Variants in COL11A1 observed in about 807,000 individuals in gnomAD.
COL11A1 encodes collagen type XI alpha 1 chain.
COL11A1 carries 74 observed loss-of-function variants against 265.2 expected under a neutral mutation model. That is an observed-to-expected ratio of 0.28 (90% CI 0.23 to 0.34). The LOEUF (loss-of-function observed/expected upper bound fraction) is 0.34. Ranked by LOEUF, COL11A1 falls within the 10% of genes least tolerant of loss-of-function variation. The probability of loss-of-function intolerance (pLI) is 1.00; values close to 1 mark genes in which losing one functional copy is unlikely to be tolerated. For synonymous variants in COL11A1, 816 were observed against 727.6 expected, an observed-to-expected ratio of 1.12 and a Z score of -1.96; for missense variants, 2,165 against 2,263.6, an observed-to-expected ratio of 0.96 and a Z score of 0.88.
chr1:102,890,032 A>G (rs972687551), intron 58 of COL11A1, among the ~76,000 whole-genome samples: 2 of 152,184 alleles, frequency 1.3e-5, no homozygotes, highest in Non-Finnish European at 2.9e-5. Context: ...TAAAAAGGCT[A>G]ATTTCTCTAA....
chr1:103,087,018 A>G (rs999028734), intron 1 of COL11A1, among the ~76,000 whole-genome samples: 13 of 152,304 alleles, frequency 8.5e-5, no homozygotes, highest in Admixed American at 7.2e-4. Context: ...GCATACATAC[A>G]TATATGTGGG....
chr1:103,006,339 A>G, intron 15 of COL11A1, 24 bp from the exon 16 acceptor site: 1 of 1,589,264 alleles, frequency 6.3e-7, no homozygotes, highest in Non-Finnish European at 8.6e-7. Context: ...TCATAATTAA[A>G]CCATATTATA....
chr1:102,996,102 T>C (rs1664600397), intron 26 of COL11A1, 60 bp from the exon 27 acceptor site: 4 of 1,529,552 alleles, frequency 2.6e-6, no homozygotes, highest in Non-Finnish European at 3.6e-6. Context: ...CTCATTTACA[T>C]ACTATAATTT....
At chr1:103,039,363 T>G (rs1363552491) in intron 4 of COL11A1, among the ~76,000 whole-genome samples, 1 of 152,154 alleles carries the variant, frequency 6.6e-6, no homozygotes, top group African/African-American at 2.4e-5. Flanking sequence ...TTGTGTCCCC[T>G]CGAATTTGTA....
intron 1 of COL11A1, among the ~76,000 whole-genome samples, chr1:103,086,662 C>T (rs929817529): frequency 3.3e-5 from 5 of 151,968 alleles, no homozygotes; most frequent in African/African-American, 1.2e-4. Flanking sequence ...CTGATCCGCC[C>T]GCCTCGGCCT....
At chr1:103,096,504 C>A (rs1673777741) in intron 1 of COL11A1, among the ~76,000 whole-genome samples, 1 of 151,878 alleles carries the variant, frequency 6.6e-6, no homozygotes, top group Admixed American at 6.6e-5. Context: ...TTTGGGTATA[C>A]TAAATGTGAG....
chr1:103,015,635 C>T (rs780256713), intron 12 of COL11A1, 33 bp downstream of exon 12: 1 of 1,482,266 alleles, frequency 6.7e-7, no homozygotes, highest in Non-Finnish European at 9.3e-7. Flanking sequence ...GACAAGATAT[C>T]AAGTCATCTC....
chr1:102,884,896 C>T (rs1185694674), intron 63 of COL11A1, among the ~76,000 whole-genome samples: 1 of 152,136 alleles, frequency 6.6e-6, no homozygotes, highest in African/African-American at 2.4e-5. Flanking sequence ...CTTAGTATAC[C>T]ATATGGATTT....
intron 57 of COL11A1, among the ~76,000 whole-genome samples, chr1:102,892,044 A>T (rs1434802582): frequency 7.9e-5 from 12 of 152,160 alleles, no homozygotes. Context: ...GATGCTAAAA[A>T]AATGATTTAT....
intron 58 of COL11A1, among the ~76,000 whole-genome samples, chr1:102,890,250 T>C (rs147883220): frequency 6.6e-6 from 1 of 152,262 alleles, no homozygotes; most frequent in East Asian, 1.9e-4. Context: ...GATATAGCAC[T>C]GAATTCCAGC....
At chr1:103,049,693 C>G in intron 4 of COL11A1, among the ~76,000 whole-genome samples, 1 of 152,234 alleles carries the variant, frequency 6.6e-6, no homozygotes, top group South Asian at 2.1e-4. Context: ...TCTTCCTAGC[C>G]TTGATGGTCT....
chr1:102,959,456 C>T (rs1570868466), intron 41 of COL11A1, among the ~76,000 whole-genome samples: 1 of 152,240 alleles, frequency 6.6e-6, no homozygotes. Context: ...GTTCGAGGGT[C>T]ACCTTTTCCA....
chr1:102,930,674 T>C (rs927176499), intron 46 of COL11A1, among the ~76,000 whole-genome samples: 1 of 152,098 alleles, frequency 6.6e-6, no homozygotes, highest in Admixed American at 6.5e-5. Flanking sequence ...ATGGTACCAG[T>C]TCCTCCTTGT....
At position 103,000,561 on chromosome 1, in the gene COL11A1, C is replaced by T. The variant is rs184598458; in HGVS notation, c.2142+1364G>A. Among the ~76,000 whole-genome samples the T allele has an allele frequency of 6.5e-4, 99 of 151,892 alleles. 1 individual carries two copies. Among genetic ancestry groups the T allele is most frequent in the African/African-American group, 2.4e-3 (98 of 41,516 alleles). ...GCAAATTACAACCACAATGAGATAA[C>T]ATTTCACACCAACGAGAATGATCGT... On this transcript the variant is annotated intron_variant, in intron 24 of 66. Transcript: ENST00000370096.
intron 4 of COL11A1, among the ~76,000 whole-genome samples, chr1:103,073,442 G>A (rs1472972856): frequency 1.3e-5 from 2 of 151,760 alleles, no homozygotes; most frequent in South Asian, 2.1e-4. Context: ...ATAAATAATT[G>A]TTTATCATAA....
intron 47 of COL11A1, among the ~76,000 whole-genome samples, chr1:102,922,075 T>C (rs994164148): frequency 1.3e-5 from 2 of 152,198 alleles, no homozygotes; most frequent in Non-Finnish European, 2.9e-5. Context: ...AGATTTTCTC[T>C]CCTGACAGTG....
intron 42 of COL11A1, among the ~76,000 whole-genome samples, chr1:102,944,827 T>C (rs1659087382): frequency 6.6e-6 from 1 of 152,204 alleles, no homozygotes; most frequent in Non-Finnish European, 1.5e-5. Flanking sequence ...TCTGTATGCA[T>C]TATTTAGTGT....
At chr1:103,107,898 T>G (rs1674834680) in intron 1 of COL11A1, among the ~76,000 whole-genome samples, 175 bp downstream of exon 1, 1 of 152,032 alleles carries the variant, frequency 6.6e-6, no homozygotes, top group South Asian at 2.1e-4. Context: ...CATTCATCTC[T>G]TTCTCCAGTT....
chr1:103,083,283 G>A (rs1185837254), intron 1 of COL11A1, among the ~76,000 whole-genome samples: 1 of 116,200 alleles, frequency 8.6e-6, no homozygotes, highest in Non-Finnish European at 2.0e-5. Flanking sequence ...TGTGTACATA[G>A]GCATATGTGC....
Sources: gnomAD v4.1 joint callset for allele counts (sites outside exome capture counted in the v4.1 genomes callset) on GRCh38, gnomAD v4.1.1 for gene constraint, MANE v1.5 for transcripts, NCBI Gene and HGNC (gene_info 2026-07-23, HGNC 2026-07-21) for gene names.